TONSL: variants seen among roughly 807,000 people sequenced by gnomAD.
The protein encoded by TONSL is tonsoku like, DNA repair protein, also known as tonsoku-like protein.
A neutral mutation model predicts 147.1 loss-of-function variants in TONSL; 112 were observed. The ratio of observed to expected loss-of-function variants is 0.76; its 90% CI spans 0.65 to 0.89. The LOEUF (loss-of-function observed/expected upper bound fraction) is 0.89, where lower values mean the gene tolerates loss of function less well. TONSL is among the 40% of genes least tolerant of loss of function. The probability of loss-of-function intolerance (pLI) is 0.00; values close to 1 mark genes in which losing one functional copy is unlikely to be tolerated. For missense variants in TONSL, 1,883 were observed against 1,864.6 expected, an observed-to-expected ratio of 1.01 and a Z score of -0.18; for synonymous variants, 868 against 801.5, an observed-to-expected ratio of 1.08 and a Z score of -1.40.
chr8:144,436,287 C>T lies in TONSL; in HGVS notation c.2146G>A (p.Val716Ile). Residue 716 changes from valine (V) to isoleucine (I), a missense_variant, in exon 17 of 26, where the codon GTC becomes ATC. Val to Ile is a conservative substitution (Grantham distance 29, BLOSUM62 3). Transcript: ENST00000409379. ...GCCGCCTGCCCTGGGGAGACCCTGA[C>T]ATGGGCCTGAGAGGCCTCTGGGAGT... ...TRLPEASQAH[V>I]RVSPGQAAPA... 6.6e-7 allele frequency: 1 copy of T among 1,510,412 alleles called. No homozygotes were observed. Among genetic ancestry groups the T allele is most frequent in the Non-Finnish European group, 8.8e-7 (1 of 1,135,278 alleles). 93.6% of individuals were successfully genotyped at this position (1,510,412 alleles called of 1,614,324 possible).
In TONSL at chr8:144,436,661, C is replaced by T. The variant is rs762631035; in HGVS notation, c.1911G>A (p.Thr637=). The change falls in exon 16 of 26, where the codon ACG becomes ACA. Residue 637 remains threonine (T), a synonymous_variant. Coordinates refer to ENST00000409379, the MANE Select transcript of TONSL (RefSeq NM_013432.5). ...RTRKGLSPLE[T]LQQWVKLYRR... ...GGTACAGCTTCACCCACTGCTGCAG[C>T]GTCTCCAGCGGGCTGAGGCCCTGTG... 1.1e-5 allele frequency: 18 copies of T among 1,612,090 alleles called. No individual in the cohort carries two copies. Among genetic ancestry groups the T allele is most frequent in the African/African-American group, 1.1e-4 (8 of 74,934 alleles).
intron 22 of TONSL, chr8:144,433,369 C>T (rs1823299736): frequency 3.9e-6 from 2 of 518,308 alleles, no homozygotes; most frequent in Non-Finnish European, 6.8e-6. Context: ...AGCCACTGCG[C>T]CCGGCCTAGA....
Position 144,429,277 on chromosome 8 carries a change from G to A in TONSL, c.4003C>T (p.Arg1335Trp), listed in dbSNP as rs1554878078. The change falls in exon 26 of 26, where the codon CGG (arginine) becomes TGG (tryptophan). Residue 1335 changes from arginine to tryptophan, a missense_variant. Arg to Trp is a moderately radical substitution (Grantham distance 101, BLOSUM62 -3). Coordinates refer to ENST00000409379, the MANE Select transcript of TONSL (RefSeq NM_013432.5). ...CGTCTGCTGCACAGCTGCAGTTCCCGGAGCTGCGCGGCTATCTTGTCCCAC... is the reference window on the plus strand; with the variant it reads ...CGTCTGCTGCACAGCTGCAGTTCCCAGAGCTGCGCGGCTATCTTGTCCCAC... ...GLWDKIAAQL[R>W]ELQLCSRRLC... 3 of 1,515,878 alleles carry A rather than the reference G, an allele frequency of 2.0e-6. No individual in the cohort carries two copies. Among genetic ancestry groups the A allele is most frequent in the Non-Finnish European group, 2.7e-6 (3 of 1,130,208 alleles). 93.9% of individuals were successfully genotyped at this position (1,515,878 alleles called of 1,614,324 possible).
In TONSL at chr8:144,434,037, G is replaced by C; in HGVS notation, c.3328C>G (p.Leu1110Val). The stretch of plus-strand genomic sequence containing the variant: ...AGCTGGCGCAGGCCTTCGGGACCCA[G>C]GTGATTGGAGGAGAGGTCAAGGAGG... The part of the protein sequence containing the change: ...LALLDLSSNH[L>V]GPEGLRQLAM... The change falls in exon 21 of 26, where the codon CTG (leucine) becomes GTG (valine). Residue 1110 changes from leucine to valine, a missense_variant. Transcript: ENST00000409379. 6.2e-7 allele frequency: 1 copy of C among 1,609,946 alleles called. No individual in the cohort carries two copies. The highest frequency in any genetic ancestry group is 8.5e-7 in the Non-Finnish European group (1 of 1,177,988).
Position 144,435,086 on chromosome 8 carries a change from G to A in TONSL, c.2937C>T (p.Thr979=). 9.3e-6 allele frequency: 15 copies of A among 1,606,954 alleles called. No homozygotes were observed. Among genetic ancestry groups the A allele is most frequent in the Non-Finnish European group, 1.2e-5 (14 of 1,177,344 alleles). ...YQTCGLLPRL[T]LRKEGALLAP... Reference sequence around the variant, plus strand: ...CCAGCAGGGCCCCCTCTTTCCGTAGGGTGAGCCTGGGCAGCAGCCCGCAGG... The same window carrying A: ...CCAGCAGGGCCCCCTCTTTCCGTAGAGTGAGCCTGGGCAGCAGCCCGCAGG... Residue 979 remains threonine, a synonymous_variant, in exon 19 of 26, where the codon ACC becomes ACT. Coordinates refer to ENST00000409379, the MANE Select transcript of TONSL (RefSeq NM_013432.5).
chr8:144,432,470 G>A lies in TONSL; in HGVS notation c.3560-10C>T, dbSNP rs1554878935. The A allele has an allele frequency of 1.7e-5, 26 of 1,524,534 alleles. No individual in the cohort carries two copies. Among genetic ancestry groups the A allele is most frequent in the Non-Finnish European group, 2.2e-5 (25 of 1,138,198 alleles). 94.4% of individuals were successfully genotyped at this position (1,524,534 alleles called of 1,614,324 possible). A position where few individuals can be genotyped will look rare whatever the true frequency, so the allele number is the denominator to read the frequency against. ...TTCAGGTGCTCAGCATCTGCACCGG[G>A]GCCAGAATCCGTCAGCCCCACGTGG... is the stretch of plus-strand genomic sequence containing the variant. On this transcript the variant is annotated splice_polypyrimidine_tract_variant and intron_variant, in intron 22 of 25. Transcript: ENST00000409379.
chr8:144,443,849 C>A (rs1305909051), intron 3 of TONSL, 33 bp downstream of exon 3: 1 of 1,540,832 alleles, frequency 6.5e-7, no homozygotes, highest in Non-Finnish European at 8.7e-7. Flanking sequence ...AGAGGCCGAC[C>A]GGGCTGGACG....
rs780857014 is a variant in TONSL, at chr8:144,437,030, G to C, written c.1723C>G (p.Leu575Val). The C allele has an allele frequency of 1.2e-6, 2 of 1,613,324 alleles. No individual in the cohort carries two copies. Residue 575 changes from leucine (L) to valine (V), a missense_variant, in exon 14 of 26, where the codon CTA becomes GTA. By Grantham distance (32) the Leu-to-Val change is conservative. Transcript: ENST00000409379. ...GCTCCTTCTGTCCCTTGCTCACCTA[G>C]ATGCCCGTAGTTGCAGGCCTCGTGC... Reference protein sequence around the residue: ...PLHEACNYGHLEIVRFLLDHG... With the variant: ...PLHEACNYGHVEIVRFLLDHG...
At chr8:144,432,720 A>G (rs1823260718) in intron 22 of TONSL, 3 of 391,266 alleles carry the variant, frequency 7.7e-6, no homozygotes, top group Middle Eastern at 1.3e-3. Context: ...CCTGGGCCAC[A>G]TGCCTCTGCA....
chr8:144,439,652 T>C (rs1417200206), intron 11 of TONSL, among the ~76,000 whole-genome samples: 5 of 152,220 alleles, frequency 3.3e-5, no homozygotes, highest in Non-Finnish European at 7.3e-5. Context: ...CGCCAGCCTC[T>C]GGAGGAAACC....
At chr8:144,444,347 C>G (rs1392418411) in intron 1 of TONSL, 43 bp downstream of exon 1, 24 of 1,293,424 alleles carry the variant, frequency 1.9e-5, no homozygotes, top group African/African-American at 4.6e-5. Context: ...AAGCCCTCCC[C>G]AGCCTCCGCG....
intron 7 of TONSL, 99 bp from the exon 8 acceptor site, chr8:144,441,210 C>T: frequency 6.7e-7 from 1 of 1,483,818 alleles, no homozygotes; most frequent in Non-Finnish European, 9.0e-7. Context: ...CCCCCACTCT[C>T]TCCACACCTC....
chr8:144,431,154 G>A lies in TONSL; in HGVS notation c.3736-3C>T. The A allele has an allele frequency of 6.2e-7, 1 of 1,614,040 alleles. No homozygotes were observed. The highest frequency in any genetic ancestry group is 8.5e-7 in the Non-Finnish European group (1 of 1,179,952). ...AGGTGGGCTAGAGCACAGCCTTCCT[G>A]GACATGAGCAGAGGCCCAAGGGGGC... On this transcript the variant is annotated splice_region_variant and splice_polypyrimidine_tract_variant and intron_variant, in intron 23 of 25. Coordinates refer to ENST00000409379, the MANE Select transcript of TONSL (RefSeq NM_013432.5).
chr8:144,431,042 C>T lies in TONSL; in HGVS notation c.3809+36G>A, dbSNP rs782788582. 4.3e-6 allele frequency: 7 copies of T among 1,611,726 alleles called. No individual in the cohort carries two copies. The highest frequency in any genetic ancestry group is 5.9e-6 in the Non-Finnish European group (7 of 1,178,048). ...TAGGGTCCAGAGCCATGAGATCAGA[C>T]CCCCAGGTCAGCAGGCAGCAGGGAA... On this transcript the variant is annotated intron_variant, in intron 24 of 25. Transcript: ENST00000409379.
At position 144,440,993 on chromosome 8, in the gene TONSL, G is replaced by A. The variant is rs1203659462; in HGVS notation, c.984C>T (p.Pro328=). ...GDLFSKAGDF[P]RAAEAYQKQL... The stretch of plus-strand genomic sequence containing the variant: ...GCTTCTGGTAAGCCTCAGCTGCCCT[G>A]GGAAAGTCTCCTGCCTTGGAGAAGA... Residue 328 remains proline, a synonymous_variant, in exon 8 of 26, where the codon CCC becomes CCT. Transcript: ENST00000409379. 1.2e-6 allele frequency: 2 copies of A among 1,613,186 alleles called. No homozygotes were observed. The highest frequency in any genetic ancestry group is 1.1e-5 in the South Asian group (1 of 91,086).
In TONSL at chr8:144,431,168, G is replaced by T. The variant is rs542273920; in HGVS notation, c.3736-17C>A. On this transcript the variant is annotated splice_polypyrimidine_tract_variant and intron_variant, in intron 23 of 25. Transcript: ENST00000409379. ...ACAGCCTTCCTGGACATGAGCAGAG[G>T]CCCAAGGGGGCCAAACGGAGTGGCG... is the stretch of plus-strand genomic sequence containing the variant. 27 of 1,613,516 alleles carry T rather than the reference G, an allele frequency of 1.7e-5. No individual in the cohort carries two copies. The South Asian group carries it at 2.6e-4, about 16-fold the overall frequency.
rs768017263 is a variant in TONSL, at chr8:144,435,685, C to T, written c.2748G>A (p.Gly916=). The T allele has an allele frequency of 9.3e-6, 15 of 1,608,250 alleles. No individual in the cohort carries two copies. The Admixed American group carries it at 1.0e-4, about 11-fold the overall frequency. The change falls in exon 17 of 26, where the codon GGG becomes GGA. Residue 916 remains glycine, a synonymous_variant. Coordinates refer to ENST00000409379, the MANE Select transcript of TONSL (RefSeq NM_013432.5). ...AGGGCTGGCCTGCCGCAGAGCTGTC[C>T]CCACTGGGCTCTGAGACCCTGGGGG... is the stretch of plus-strand genomic sequence containing the variant. The part of the protein sequence containing the change: ...PSTPRVSEPS[G]DSSAAGQPLG...
At position 144,443,243 on chromosome 8, in the gene TONSL, G is replaced by A. The variant is rs772412628; in HGVS notation, c.343C>T (p.Arg115Cys). 13 of 1,550,646 alleles carry A rather than the reference G, an allele frequency of 8.4e-6. No homozygotes were observed. Among genetic ancestry groups the A allele is most frequent in the Non-Finnish European group, 8.7e-6 (10 of 1,146,992 alleles). Reference protein sequence around the residue: ...ELQRAWATIGRTHLDIYDHCQ... With the variant: ...ELQRAWATIGCTHLDIYDHCQ... ...TGGTCATAGATGTCCAGGTGGGTGC[G>A]GCCGATGGTGGCCCAGGCCCTCTGC... Residue 115 changes from arginine (R) to cysteine (C), a missense_variant, in exon 4 of 26, where the codon CGC (arginine) becomes TGC (cysteine). Arg to Cys is a radical substitution (Grantham distance 180). Coordinates refer to ENST00000409379, the MANE Select transcript of TONSL (RefSeq NM_013432.5).
chr8:144,436,054 C>T lies in TONSL; in HGVS notation c.2379G>A (p.Gln793=). The part of the protein sequence containing the change: ...ATASTSRAAY[Q]AAIRGVGSAQ... ...CACTGCCCACACCCCGGATGGCTGC[C>T]TGGTAGGCTGCCCGGCTGGTGCTGG... is the stretch of plus-strand genomic sequence containing the variant. The change falls in exon 17 of 26, where the codon CAG becomes CAA. Residue 793 remains glutamine (Q), a synonymous_variant. Transcript: ENST00000409379. 6 of 1,574,222 alleles carry T rather than the reference C, an allele frequency of 3.8e-6. No individual in the cohort carries two copies. Among genetic ancestry groups the T allele is most frequent in the Non-Finnish European group, 5.1e-6 (6 of 1,166,910 alleles).
Sources: allele counts gnomAD v4.1 joint callset (sites outside exome capture counted in the v4.1 genomes callset), GRCh38; gene constraint gnomAD v4.1.1; transcripts MANE v1.5; gene names NCBI Gene and HGNC (gene_info 2026-07-23, HGNC 2026-07-21).